The following LBH variants were observed in gnomAD, a reference collection of about 807,000 sequenced individuals.
LBH encodes LBH regulator of Wnt signaling pathway.
A neutral mutation model predicts 12.5 loss-of-function variants in LBH; 7 were observed. That is an observed-to-expected ratio of 0.56 (90% CI 0.32 to 1.05). The LOEUF (loss-of-function observed/expected upper bound fraction) is 1.05. LBH is among the 50% of genes least tolerant of loss of function. The pLI, the probability that LBH is intolerant of heterozygous loss-of-function variation, is 0.04. For missense variants in LBH, 119 were observed against 138.9 expected (o/e 0.86, Z 0.72); for synonymous variants, 51 against 50.1 (o/e 1.02, Z -0.08).
chr2:30,249,544 C>T (rs963802293), intron 2 of LBH, among the ~76,000 whole-genome samples: 3 of 152,260 alleles, frequency 2.0e-5, no homozygotes, highest in South Asian at 2.1e-4. Flanking sequence ...TGGTTGGGGG[C>T]GGGGTAGTGA....
intron 2 of LBH, chr2:30,256,781 A>G (rs1678093470): frequency 6.5e-6 from 1 of 153,266 alleles, no homozygotes; most frequent in South Asian, 2.0e-4. Context: ...CTGCCTCAGC[A>G]TCCGAAAGCA....
intron 2 of LBH, among the ~76,000 whole-genome samples, chr2:30,250,834 C>T (rs544144893): frequency 3.4e-4 from 51 of 151,768 alleles, no homozygotes; most frequent in Non-Finnish European, 2.8e-4. Context: ...CACTGTTGGT[C>T]GGTCAAACAA....
intron 2 of LBH, among the ~76,000 whole-genome samples, chr2:30,235,499 C>T (rs766936568): frequency 2.0e-5 from 3 of 152,036 alleles, no homozygotes; most frequent in Non-Finnish European, 2.9e-5. Context: ...AGCTCCCAGG[C>T]GGGGATCCTC....
At chr2:30,233,748 G>A (rs1677633837) in intron 1 of LBH, among the ~76,000 whole-genome samples, 1 of 152,202 alleles carries the variant, frequency 6.6e-6, no homozygotes, top group African/African-American at 2.4e-5. Context: ...TTAATCCAGG[G>A]GATGTTTTTC....
In LBH at chr2:30,258,689, G is replaced by A. The variant is rs1678128946; in HGVS notation, c.*1068G>A. The stretch of plus-strand genomic sequence containing the variant: ...GTACTCACGCCCCATGGGGGATCTT[G>A]GTCTGTTTTTCTTGTGGGAGCCTAG... On this transcript the variant is annotated 3_prime_UTR_variant, in exon 3 of 3. Coordinates refer to ENST00000395323, the MANE Select transcript of LBH (RefSeq NM_030915.4). 6.6e-6 allele frequency: 1 copy of A among 152,434 alleles called. No homozygotes were observed. The highest frequency in any genetic ancestry group is 6.5e-5 in the Admixed American group (1 of 15,284). 9.4% of individuals were successfully genotyped at this position (152,434 alleles called of 1,614,324 possible).
intron 2 of LBH, among the ~76,000 whole-genome samples, chr2:30,251,266 G>A (rs1173861058): frequency 6.6e-6 from 1 of 151,824 alleles, no homozygotes; most frequent in African/African-American, 2.4e-5. Context: ...CATGGCAAGT[G>A]GCTACTGTAC....
chr2:30,237,229 T>C (rs1351918144), intron 2 of LBH, among the ~76,000 whole-genome samples: 2 of 152,310 alleles, frequency 1.3e-5, no homozygotes, highest in Non-Finnish European at 2.9e-5. Context: ...GAAGGAGACA[T>C]CAATCCAGAC....
chr2:30,252,996 A>G (rs1227096390), intron 2 of LBH, among the ~76,000 whole-genome samples: 1 of 152,172 alleles, frequency 6.6e-6, no homozygotes, highest in Non-Finnish European at 1.5e-5. Flanking sequence ...ACTTTGGGGA[A>G]AGAGGTTTAA....
At chr2:30,243,930 C>T (rs1677830450) in intron 2 of LBH, among the ~76,000 whole-genome samples, 4 of 152,134 alleles carry the variant, frequency 2.6e-5, no homozygotes, top group Admixed American at 2.0e-4. Flanking sequence ...AGGTGCTTTG[C>T]AACACGTAGA....
chr2:30,249,983 A>G (rs773214201), intron 2 of LBH, among the ~76,000 whole-genome samples: 1 of 152,148 alleles, frequency 6.6e-6, no homozygotes, highest in Non-Finnish European at 1.5e-5. Flanking sequence ...CTTGCCAACC[A>G]TACCGTAAAG....
chr2:30,234,256 G>A, intron 1 of LBH, 149 bp from the exon 2 acceptor site: 1 of 648,632 alleles, frequency 1.5e-6, no homozygotes, highest in Non-Finnish European at 2.8e-6. Flanking sequence ...CTTCCTCAGG[G>A]TGTGAGCTTG....
intron 2 of LBH, among the ~76,000 whole-genome samples, chr2:30,245,942 A>C (rs758019993): frequency 8.0e-5 from 12 of 150,702 alleles, no homozygotes; most frequent in Non-Finnish European, 1.3e-4. Context: ...GTTGTTTTTC[A>C]ACCTTGACTT....
intron 2 of LBH, among the ~76,000 whole-genome samples, chr2:30,255,766 T>A (rs1678073916): frequency 6.6e-6 from 1 of 152,184 alleles, no homozygotes; most frequent in South Asian, 2.1e-4. Flanking sequence ...CTTTCTTCTA[T>A]GTCCTGGTAA....
rs1427633834 is a variant in LBH at position 30,231,666 on chromosome 2, G to T, written c.-73G>T. 6.8e-6 allele frequency: 10 copies of T among 1,473,668 alleles called. No individual in the cohort carries two copies. The highest frequency in any genetic ancestry group is 9.4e-6 in the Non-Finnish European group (10 of 1,062,808). 91.3% of individuals were successfully genotyped at this position (1,473,668 alleles called of 1,614,324 possible). On this transcript the variant is annotated 5_prime_UTR_variant, in exon 1 of 3. Coordinates refer to ENST00000395323, the MANE Select transcript of LBH (RefSeq NM_030915.4). ...CCGCCTGCCGTGCCCGTCTGCGCCCGTGTCATCCTCACTCGGGACGCAGGG... is the reference window on the plus strand; with the variant it reads ...CCGCCTGCCGTGCCCGTCTGCGCCCTTGTCATCCTCACTCGGGACGCAGGG...
chr2:30,254,527 A>AAG (rs920590517), intron 2 of LBH, among the ~76,000 whole-genome samples: 9 of 152,076 alleles, frequency 5.9e-5, no homozygotes. Context: ...ATTTTAATGA[A>AAG]AGACCTGTTT....
chr2:30,232,442 G>A (rs1677608155), intron 1 of LBH: 10 of 524,570 alleles, frequency 1.9e-5, no homozygotes, highest in Non-Finnish European at 6.5e-6. Flanking sequence ...TCGGAGGTTT[G>A]CCCCGGACTG....
chr2:30,240,631 A>T (rs1677774693), intron 2 of LBH, among the ~76,000 whole-genome samples: 2 of 152,188 alleles, frequency 1.3e-5, no homozygotes, highest in Non-Finnish European at 2.9e-5. Context: ...TCCTGGGCTG[A>T]GGGAGGGCCC....
intron 2 of LBH, among the ~76,000 whole-genome samples, chr2:30,242,492 C>T (rs1249442836): frequency 6.6e-6 from 1 of 152,164 alleles, no homozygotes; most frequent in Non-Finnish European, 1.5e-5. Context: ...GATCTGCCCA[C>T]CTCAGCCTCC....
intron 2 of LBH, among the ~76,000 whole-genome samples, chr2:30,242,293 G>A (rs1677803852): frequency 6.6e-6 from 1 of 152,028 alleles, no homozygotes. Flanking sequence ...GCCCAGGCTG[G>A]AGTACAGTGG....
Sources: gnomAD v4.1 joint callset for allele counts (sites outside exome capture counted in the v4.1 genomes callset) on GRCh38, gnomAD v4.1.1 for gene constraint, MANE v1.5 for transcripts, NCBI Gene and HGNC (gene_info 2026-07-23, HGNC 2026-07-21) for gene names.